Variants in ATP1A1 observed in about 807,000 individuals in gnomAD.
ATP1A1 encodes the protein sodium/potassium-transporting ATPase subunit alpha-1.
A neutral mutation model predicts 114.8 loss-of-function variants in ATP1A1; 14 were observed. That is an observed-to-expected ratio of 0.12 (90% CI 0.08 to 0.19). The LOEUF (loss-of-function observed/expected upper bound fraction) is 0.19. Ranked by LOEUF, ATP1A1 falls within the 10% of genes least tolerant of loss-of-function variation. The pLI is 1.00. For synonymous variants in ATP1A1, 471 were observed against 466.3 expected, an observed-to-expected ratio of 1.01 and a Z score of -0.13; for missense variants, 524 against 1,290.7, an observed-to-expected ratio of 0.41 and a Z score of 9.10.
rs746868306 is a variant in ATP1A1 at position 116,401,922 on chromosome 1, G to T, written c.2951+267G>T. 21 of 474,266 alleles carry T rather than the reference G, an allele frequency of 4.4e-5. No homozygotes were observed. The highest frequency in any genetic ancestry group is 6.8e-5 in the Non-Finnish European group (18 of 266,382). 29.4% of individuals were successfully genotyped at this position (474,266 alleles called of 1,614,324 possible). ...TAGCTCCATGGAACTGCTCAACAGCGAACTGCATTGAGCACTCAGGTCTGC... is the reference window on the plus strand; with the variant it reads ...TAGCTCCATGGAACTGCTCAACAGCTAACTGCATTGAGCACTCAGGTCTGC... On this transcript the variant is annotated intron_variant, in intron 21 of 22. Transcript: ENST00000295598. This position sits in a 1 kb window ranked among gnomAD's most constrained non-coding sequence, Gnocchi z 4.7.
chr1:116,383,765 A>G (rs1010942880), intron 1 of ATP1A1, among the ~76,000 whole-genome samples: 4 of 152,220 alleles, frequency 2.6e-5, no homozygotes, highest in Admixed American at 6.5e-5. Context: ...TCTGAAGCCT[A>G]CCGGTAGCTT....
At position 116,388,060 on chromosome 1, in the gene ATP1A1, T is replaced by C; in HGVS notation, c.388-71T>C. On this transcript the variant is annotated intron_variant, in intron 4 of 22. Transcript: ENST00000295598. The surrounding 1 kb of genome is among the most constrained non-coding windows in gnomAD (Gnocchi z 5.6). ...TATTAAAAATCTGTTTTTTATTCAG[T>C]CAAAAAATTAATTGAATGTCCCTAA... 1 of 1,005,750 alleles carries C rather than the reference T, an allele frequency of 9.9e-7. No homozygotes were observed. Among genetic ancestry groups the C allele is most frequent in the Non-Finnish European group, 1.5e-6 (1 of 658,622 alleles). 62.3% of individuals were successfully genotyped at this position (1,005,750 alleles called of 1,614,324 possible). A position where few individuals can be genotyped will look rare whatever the true frequency, so the allele number is the denominator to read the frequency against.
chr1:116,392,933 GAGAA>G lies in ATP1A1; in HGVS notation c.1416_1419del (p.Glu472AspfsTer34). The G allele has an allele frequency of 6.2e-7, 1 of 1,614,126 alleles. No individual in the cohort carries two copies. Among genetic ancestry groups the G allele is most frequent in the Non-Finnish European group, 8.5e-7 (1 of 1,180,026 alleles). ...TGCTGTGGTTCCGTGAAGGAGATGA[GAGAA>G]AGATACGCCAAAATCGTCGAGATAC... On this transcript the variant is annotated frameshift_variant, in exon 11 of 23. Transcript: ENST00000295598. LOFTEE classifies it high-confidence loss of function.
Position 116,404,011 on chromosome 1 carries a change from AG to A in ATP1A1, c.3043+37del. On this transcript the variant is annotated intron_variant, in intron 22 of 22. Transcript: ENST00000295598. The surrounding 1 kb of genome is among the most constrained non-coding windows in gnomAD (Gnocchi z 4.8). ...GCATTCTGACTTTGGTTGGAGGAGG[AG>A]TGGGAGGGGCTATAGTTCTATTGGT... 1 of 1,587,868 alleles carries A rather than the reference AG, an allele frequency of 6.3e-7. No individual in the cohort carries two copies.
At chr1:116,379,501 C>T (rs1022459565) in intron 1 of ATP1A1, among the ~76,000 whole-genome samples, 16 of 152,146 alleles carry the variant, frequency 1.1e-4, no homozygotes, top group African/African-American at 3.9e-4. Context: ...CTAGACAATT[C>T]CTTGCACATA....
At position 116,389,987 on chromosome 1, in the gene ATP1A1, G is replaced by T; in HGVS notation, c.1024-226G>T. ...GAGAAGAACTTGGGATCAAGTAGGGGGATAGAATATGGTAGAATCCTGTTA... is the reference window on the plus strand; with the variant it reads ...GAGAAGAACTTGGGATCAAGTAGGGTGATAGAATATGGTAGAATCCTGTTA... On this transcript the variant is annotated intron_variant, in intron 8 of 22. Transcript: ENST00000295598. The surrounding 1 kb of genome is among the most constrained non-coding windows in gnomAD (Gnocchi z 6.9). 1.5e-6 allele frequency: 1 copy of T among 659,144 alleles called. No homozygotes were observed. Among genetic ancestry groups the T allele is most frequent in the Non-Finnish European group, 2.5e-6 (1 of 393,198 alleles). The allele number at this position is 659,144 out of a possible 1,614,324, so 40.8% of individuals were successfully genotyped here.
In ATP1A1 at chr1:116,380,290, G is replaced by A. The variant is rs1651659290; in HGVS notation, c.13-3724G>A. Among the ~76,000 whole-genome samples, 3 of 152,196 alleles carry A rather than the reference G, an allele frequency of 2.0e-5. No individual in the cohort carries two copies. In the South Asian group the frequency reaches 6.2e-4, roughly 32 times the overall value. ...CTGTCTGGAGGGAATGGTGGGTCTT[G>A]AACTTTCAAGTACCCTCTAAACTTT... On this transcript the variant is annotated intron_variant, in intron 1 of 22. Coordinates refer to ENST00000295598, the MANE Select transcript of ATP1A1 (RefSeq NM_000701.8).
Position 116,373,406 on chromosome 1 carries a change from C to A in ATP1A1, c.-106C>A. 4 of 1,135,650 alleles carry A rather than the reference C, an allele frequency of 3.5e-6. No individual in the cohort carries two copies. Among genetic ancestry groups the A allele is most frequent in the Non-Finnish European group, 4.9e-6 (4 of 824,456 alleles). 70.3% of individuals were successfully genotyped at this position (1,135,650 alleles called of 1,614,324 possible). A position where few individuals can be genotyped will look rare whatever the true frequency, so the allele number is the denominator to read the frequency against. ...CGCCCCGCGGCAGCCCTAGCTCCCT[C>A]CACTTGGCTCCCCTGGTCCCGCTCG... On this transcript the variant is annotated 5_prime_UTR_variant, in exon 1 of 23. Transcript: ENST00000295598.
chr1:116,386,182 G>A (rs1435411413), intron 3 of ATP1A1: 6 of 142,458 alleles, frequency 4.2e-5, no homozygotes, highest in African/African-American at 1.3e-4. Context: ...GGTTGAGAGC[G>A]TTTTTCTTGA....
chr1:116,387,235 T>G lies in ATP1A1; in HGVS notation c.184-53T>G, dbSNP rs925516475. The G allele has an allele frequency of 1.1e-4, 177 of 1,601,148 alleles. No individual in the cohort carries two copies. The highest frequency in any genetic ancestry group is 1.0e-3 in the Middle Eastern group (5 of 4,804). ...CCGTCCAGCTACCAGGTAGGTATAT[T>G]GCCTTGTAAGTGCTGGTACAGTTTG... On this transcript the variant is annotated intron_variant, in intron 3 of 22. Transcript: ENST00000295598. This position sits in a 1 kb window ranked among gnomAD's most constrained non-coding sequence, Gnocchi z 6.7.
In ATP1A1 at chr1:116,399,475, A is replaced by G; in HGVS notation, c.2504A>G (p.Gln835Arg). 6.2e-7 allele frequency: 1 copy of G among 1,614,182 alleles called. No homozygotes were observed. Among genetic ancestry groups the G allele is most frequent in the Non-Finnish European group, 8.5e-7 (1 of 1,180,030 alleles). The part of the protein sequence containing the change: ...EQAESDIMKR[Q>R]PRNPKTDKLV... ...GCTGAGAGTGACATCATGAAGAGAC[A>G]GCCCAGAAATCCCAAAACAGACAAA... The change falls in exon 18 of 23, where the codon CAG becomes CGG. Residue 835 changes from glutamine (Q) to arginine (R), a missense_variant. Transcript: ENST00000295598. The surrounding 1 kb of genome is among the most constrained non-coding windows in gnomAD (Gnocchi z 5.0).
chr1:116,377,598 G>C (rs927879502), intron 1 of ATP1A1, among the ~76,000 whole-genome samples: 15 of 152,168 alleles, frequency 9.9e-5, no homozygotes, highest in Admixed American at 9.2e-4. Flanking sequence ...GACTTTGTTC[G>C]CGGTTGATGA....
intron 1 of ATP1A1, among the ~76,000 whole-genome samples, chr1:116,376,589 C>A (rs1023317452): frequency 6.6e-6 from 1 of 151,926 alleles, no homozygotes; most frequent in African/African-American, 2.4e-5. Flanking sequence ...TAGGTTCTTT[C>A]TGTACCCTTT....
rs1312717779 is a variant in ATP1A1, at chr1:116,387,672, C to G, written c.387+181C>G. On this transcript the variant is annotated intron_variant, in intron 4 of 22. Transcript: ENST00000295598. This position sits in a 1 kb window ranked among gnomAD's most constrained non-coding sequence, Gnocchi z 6.7. ...TTCTTCCTTCGTTTCCATTTCCTCTCTCTACCACCCACGTTGTAGATGCTC... is the reference window on the plus strand; with the variant it reads ...TTCTTCCTTCGTTTCCATTTCCTCTGTCTACCACCCACGTTGTAGATGCTC... Among the ~76,000 whole-genome samples, 2 of 152,248 alleles carry G rather than the reference C, an allele frequency of 1.3e-5. No individual in the cohort carries two copies. The highest frequency in any genetic ancestry group is 1.3e-4 in the Admixed American group (2 of 15,290).
In ATP1A1 at chr1:116,395,462, G is replaced by GT. The variant is rs1652828461; in HGVS notation, c.1836+177_1836+178insT. On this transcript the variant is annotated intron_variant, in intron 13 of 22. Transcript: ENST00000295598. The surrounding 1 kb of genome is among the most constrained non-coding windows in gnomAD (Gnocchi z 6.4). ...AGACCAGATAGTATTAAAATATGATGGTGTAAACACACGAGGAATTAAAAA... is the reference window on the plus strand; with the variant it reads ...AGACCAGATAGTATTAAAATATGATGTGTGTAAACACACGAGGAATTAAAAA... Among the ~76,000 whole-genome samples, 1 of 151,902 alleles carries GT rather than the reference G, an allele frequency of 6.6e-6. No homozygotes were observed. Among genetic ancestry groups the GT allele is most frequent in the Non-Finnish European group, 1.5e-5 (1 of 67,982 alleles).
At chr1:116,376,148 TGAG>T (rs1557777365) in intron 1 of ATP1A1, among the ~76,000 whole-genome samples, 1 of 152,142 alleles carries the variant, frequency 6.6e-6, no homozygotes, top group African/African-American at 2.4e-5. Context: ...GTGTAAAAGA[TGAG>T]GAGGGGGGGT....
In ATP1A1 at chr1:116,404,049, C is replaced by T; in HGVS notation, c.3043+74C>T. ...ATAGTTCTATTGGTTTTTTGTTTCC[C>T]TCAAGGTGTCTAGGCTCCCTCAGTG... On this transcript the variant is annotated intron_variant, in intron 22 of 22. Coordinates refer to ENST00000295598, the MANE Select transcript of ATP1A1 (RefSeq NM_000701.8). This position sits in a 1 kb window ranked among gnomAD's most constrained non-coding sequence, Gnocchi z 4.8. The T allele has an allele frequency of 1.4e-6, 2 of 1,444,748 alleles. No homozygotes were observed. The highest frequency in any genetic ancestry group is 1.9e-6 in the Non-Finnish European group (2 of 1,040,542). 89.5% of individuals were successfully genotyped at this position (1,444,748 alleles called of 1,614,324 possible).
intron 21 of ATP1A1, among the ~76,000 whole-genome samples, chr1:116,402,664 C>T (rs1291371321): frequency 2.6e-5 from 4 of 152,196 alleles, no homozygotes; most frequent in Non-Finnish European, 4.4e-5. Flanking sequence ...TAGGTGAATT[C>T]GGCTTTCTTC....
In ATP1A1 at chr1:116,398,404, T is replaced by G. The variant is rs1653113489; in HGVS notation, c.2125-217T>G. ...AGTCATTACTTTGAGTAGCTCTTGT[T>G]AATGCTGGGGGCTATGTTTGTTGTC... On this transcript the variant is annotated intron_variant, in intron 15 of 22. Transcript: ENST00000295598. This position sits in a 1 kb window ranked among gnomAD's most constrained non-coding sequence, Gnocchi z 6.1. Among the ~76,000 whole-genome samples, 1 of 152,182 alleles carries G rather than the reference T, an allele frequency of 6.6e-6. No individual in the cohort carries two copies. Among genetic ancestry groups the G allele is most frequent in the South Asian group, 2.1e-4 (1 of 4,830 alleles).
Sources: gnomAD v4.1 joint callset for allele counts (sites outside exome capture counted in the v4.1 genomes callset) on GRCh38, gnomAD v4.1.1 for gene constraint, Gnocchi (gnomAD v3.1) non-coding constraint, MANE v1.5 for transcripts, NCBI Gene and HGNC (gene_info 2026-07-23, HGNC 2026-07-21) for gene names.